NAALADL2: variants seen among roughly 807,000 people sequenced by gnomAD.
NAALADL2 encodes inactive N-acetylated-alpha-linked acidic dipeptidase-like protein 2.
Under a neutral mutation model 87.2 loss-of-function variants are expected in NAALADL2, and 76 were observed. The observed-to-expected ratio is 0.87, with a 90% confidence interval of 0.72 to 1.05. The LOEUF is 1.05. Among genes scored for constraint, NAALADL2 ranks in the 50% least tolerant of loss-of-function variants. The pLI is 0.00. For missense variants in NAALADL2, 1,089 were observed against 945.8 expected, an observed-to-expected ratio of 1.15 and a Z score of -1.99; for synonymous variants, 354 against 331.0, an observed-to-expected ratio of 1.07 and a Z score of -0.75.
chr3:175,293,993 A>C (rs559393303), intron 4 of NAALADL2, among the ~76,000 whole-genome samples: 2 of 152,318 alleles, frequency 1.3e-5, no homozygotes, highest in South Asian at 2.1e-4. Context: ...GCAAAGCCAC[A>C]CAGTGCCAAG....
At chr3:175,493,921 A>G (rs570482759) in intron 9 of NAALADL2, among the ~76,000 whole-genome samples, 1 of 152,264 alleles carries the variant, frequency 6.6e-6, no homozygotes, top group Admixed American at 6.5e-5. Flanking sequence ...TACCAGTTTG[A>G]GAACTAAGTA....
chr3:175,301,783 A>G (rs79659270), intron 4 of NAALADL2, among the ~76,000 whole-genome samples: 2,085 of 152,294 alleles, frequency 0.014, 50 homozygotes, highest in African/African-American at 0.047. Flanking sequence ...GTAACAGTGG[A>G]TATTCATTGT....
chr3:174,835,032 T>C (rs139327104), intron 3 of NAALADL2, among the ~76,000 whole-genome samples: 179 of 151,752 alleles, frequency 1.2e-3, no homozygotes, highest in Non-Finnish European at 1.5e-3. Flanking sequence ...AAACTTACAC[T>C]TTCTAATTTT....
intron 1 of NAALADL2, among the ~76,000 whole-genome samples, chr3:174,941,228 T>A (rs1401002828): frequency 6.6e-6 from 1 of 152,180 alleles, no homozygotes; most frequent in East Asian, 1.9e-4. Context: ...ATCAAAGAAC[T>A]TCTTGATTTC....
intron 2 of NAALADL2, among the ~76,000 whole-genome samples, chr3:174,616,553 T>C (rs1208760515): frequency 6.6e-6 from 1 of 151,958 alleles, no homozygotes; most frequent in African/African-American, 2.4e-5. Flanking sequence ...TGTATGTATA[T>C]TCCCTCATAG....
chr3:174,955,513 A>G (rs747938114), intron 1 of NAALADL2, among the ~76,000 whole-genome samples: 9 of 152,106 alleles, frequency 5.9e-5, no homozygotes, highest in Non-Finnish European at 1.0e-4. Context: ...GAATTTACTT[A>G]AAGATTATCA....
chr3:175,364,604 A>C (rs1378895980), intron 5 of NAALADL2, among the ~76,000 whole-genome samples: 2 of 147,772 alleles, frequency 1.4e-5, no homozygotes, highest in Non-Finnish European at 3.0e-5. Flanking sequence ...GGAATGCAGC[A>C]GCTGAGACCC....
intron 5 of NAALADL2, among the ~76,000 whole-genome samples, chr3:175,358,921 T>C (rs1288559050): frequency 6.6e-6 from 1 of 152,090 alleles, no homozygotes; most frequent in African/African-American, 2.4e-5. Context: ...GCCCCACAGC[T>C]GTCAAGTGAT....
intron 4 of NAALADL2, among the ~76,000 whole-genome samples, chr3:175,268,792 C>A (rs1462309160): frequency 1.3e-5 from 2 of 152,106 alleles, no homozygotes; most frequent in African/African-American, 4.8e-5. Flanking sequence ...GGATCAGTAT[C>A]ACTGTCTTCC....
At chr3:174,797,822 GTTTTCAT>G (rs1447079220) in intron 3 of NAALADL2, among the ~76,000 whole-genome samples, 5 of 151,958 alleles carry the variant, frequency 3.3e-5, no homozygotes, top group Non-Finnish European at 7.4e-5. Flanking sequence ...TATGGGTTAT[GTTTTCAT>G]TTTTTTCATG....
chr3:175,281,447 T>C (rs1031659283), intron 4 of NAALADL2, among the ~76,000 whole-genome samples: 5 of 151,962 alleles, frequency 3.3e-5, no homozygotes, highest in African/African-American at 4.8e-5. Context: ...AATGTGTGTA[T>C]TTTTATGTTT....
intron 1 of NAALADL2, among the ~76,000 whole-genome samples, chr3:175,026,454 G>A (rs1259682286): frequency 6.8e-6 from 1 of 147,128 alleles, no homozygotes; most frequent in Non-Finnish European, 1.5e-5. Context: ...AGACCAGCCT[G>A]GCCAGCATGG....
intron 9 of NAALADL2, among the ~76,000 whole-genome samples, chr3:175,495,534 T>C (rs1336938221): frequency 6.6e-6 from 1 of 152,084 alleles, no homozygotes; most frequent in African/African-American, 2.4e-5. Flanking sequence ...CAACCTAATC[T>C]TTTCTGAATC....
intron 2 of NAALADL2, among the ~76,000 whole-genome samples, chr3:174,688,396 TAATATAAAA>T (rs74465548): frequency 0.078 from 11,920 of 151,892 alleles, 653 homozygotes; most frequent in South Asian, 0.27. Context: ...AATATTAAAA[TAATATAAAA>T]AATATAAACA....
In NAALADL2 at chr3:175,720,340, T is replaced by A. The variant is rs186343689; in HGVS notation, c.1897-16966T>A. Among the ~76,000 whole-genome samples, 409 of 152,112 alleles carry A rather than the reference T, an allele frequency of 2.7e-3. 3 individuals carry two copies. Among genetic ancestry groups the A allele is most frequent in the African/African-American group, 9.7e-3 (402 of 41,522 alleles). ...TAAAAGAATTACTCTAGAAGTAACA[T>A]AATCAGTGAAATTAAAAATACAATG... is the stretch of plus-strand genomic sequence containing the variant. On this transcript the variant is annotated intron_variant, in intron 11 of 13. Transcript: ENST00000454872.
intron 1 of NAALADL2, among the ~76,000 whole-genome samples, chr3:175,050,735 A>T (rs987675054): frequency 2.0e-5 from 3 of 152,224 alleles, no homozygotes; most frequent in African/African-American, 7.2e-5. Flanking sequence ...TAGAAATAGT[A>T]TCAATTTAGG....
Position 175,019,381 on chromosome 3 carries a change from T to C in NAALADL2, c.44-77409T>C, listed in dbSNP as rs143126608. On this transcript the variant is annotated intron_variant, in intron 1 of 13. Coordinates refer to ENST00000454872, the MANE Select transcript of NAALADL2 (RefSeq NM_207015.3). The stretch of plus-strand genomic sequence containing the variant: ...ACTAATTTTGTTTTAATTATTTTTA[T>C]TGTCAGCAGCTGCATATTCATCTGT... 2.0e-4 allele frequency among the ~76,000 whole-genome samples: 30 copies of C among 152,200 alleles called. No individual in the cohort carries two copies. In the East Asian group the frequency reaches 5.6e-3, roughly 28 times the overall value.
At chr3:175,726,630 A>G (rs1037507536) in intron 11 of NAALADL2, among the ~76,000 whole-genome samples, 1 of 152,012 alleles carries the variant, frequency 6.6e-6, no homozygotes, top group African/African-American at 2.4e-5. Flanking sequence ...TGACTTGATA[A>G]TGTGCTTTCT....
chr3:175,692,829 C>T (rs374395960), intron 11 of NAALADL2, among the ~76,000 whole-genome samples: 60 of 152,206 alleles, frequency 3.9e-4, no homozygotes, highest in African/African-American at 7.7e-4. Context: ...TCTTAGCTAA[C>T]AACTCATGTT....
Sources: gnomAD v4.1 joint callset for allele counts (sites outside exome capture counted in the v4.1 genomes callset) on GRCh38, gnomAD v4.1.1 for gene constraint, MANE v1.5 for transcripts, NCBI Gene and HGNC (gene_info 2026-07-23, HGNC 2026-07-21) for gene names.